The following RBFOX1 variants were observed in gnomAD, a reference collection of about 807,000 sequenced individuals.
RBFOX1 encodes the protein RNA binding fox-1 homolog 1.
Under a neutral mutation model 57.7 loss-of-function variants are expected in RBFOX1, and 8 were observed. The observed-to-expected ratio is 0.14, with a 90% confidence interval of 0.08 to 0.25. The LOEUF (loss-of-function observed/expected upper bound fraction) is 0.25, where lower values mean the gene tolerates loss of function less well. RBFOX1 is among the 10% of genes least tolerant of loss of function. The pLI, the probability that RBFOX1 is intolerant of heterozygous loss-of-function variation, is 1.00. For missense variants in RBFOX1, 611 were observed against 548.5 expected, an observed-to-expected ratio of 1.11 and a Z score of -1.14; for synonymous variants, 326 against 222.4, an observed-to-expected ratio of 1.47 and a Z score of -4.15.
At chr16:5,560,239 T>C (rs1410424755) in intron 2 of RBFOX1, among the ~76,000 whole-genome samples, 1 of 150,400 alleles carries the variant, frequency 6.6e-6, no homozygotes. Context: ...CATATGTCAC[T>C]TCCTCCAGAA....
intron 5 of RBFOX1, among the ~76,000 whole-genome samples, chr16:7,555,618 C>T (rs1277973678): frequency 6.6e-6 from 1 of 152,078 alleles, no homozygotes; most frequent in Non-Finnish European, 1.5e-5. Flanking sequence ...AGGTCTCTGA[C>T]GTCATCTCCT....
chr16:5,837,586 A>C (rs1401392663), intron 3 of RBFOX1, among the ~76,000 whole-genome samples: 1 of 148,024 alleles, frequency 6.8e-6, no homozygotes, highest in African/African-American at 2.5e-5. Flanking sequence ...TCACAGGGAA[A>C]GTCTTGATGC....
At chr16:7,069,828 A>G (rs2056952757) in intron 4 of RBFOX1, among the ~76,000 whole-genome samples, 1 of 152,082 alleles carries the variant, frequency 6.6e-6, no homozygotes, top group African/African-American at 2.4e-5. Context: ...CCATGTCTCA[A>G]TTTCCATTCC....
At chr16:6,431,809 T>C (rs796802611) in intron 2 of RBFOX1, among the ~76,000 whole-genome samples, 8 of 152,258 alleles carry the variant, frequency 5.3e-5, no homozygotes, top group African/African-American at 1.9e-4. Flanking sequence ...ATCTGTAAAA[T>C]GGGGCTAACA....
intron 3 of RBFOX1, among the ~76,000 whole-genome samples, chr16:6,998,882 A>T (rs1462609266): frequency 5.3e-5 from 8 of 151,546 alleles, no homozygotes; most frequent in Non-Finnish European, 1.0e-4. Context: ...TATTATTATT[A>T]TTTTGCGACT....
chr16:6,686,257 C>G (rs1603415040), intron 3 of RBFOX1, among the ~76,000 whole-genome samples: 1 of 152,138 alleles, frequency 6.6e-6, no homozygotes, highest in Admixed American at 6.5e-5. Flanking sequence ...AGACAGTGGT[C>G]AGGGCCATTC....
At chr16:5,428,144 G>GTGTA (rs971857310) in intron 1 of RBFOX1, among the ~76,000 whole-genome samples, 1 of 150,442 alleles carries the variant, frequency 6.6e-6, no homozygotes, top group African/African-American at 2.5e-5. Context: ...GTGTGTGTGT[G>GTGTA]TGTATGTGTG....
chr16:5,330,780 G>A (rs1027968024), intron 1 of RBFOX1, among the ~76,000 whole-genome samples: 1 of 151,244 alleles, frequency 6.6e-6, no homozygotes, highest in Non-Finnish European at 1.5e-5. Context: ...GATGTTAAAA[G>A]AGCACTGTTT....
At chr16:6,489,911 C>A (rs889123117) in intron 2 of RBFOX1, among the ~76,000 whole-genome samples, 13 of 148,606 alleles carry the variant, frequency 8.7e-5, no homozygotes, top group Middle Eastern at 3.3e-3. Flanking sequence ...ACTTAATTGT[C>A]ATGTTGGAAA....
chr16:5,302,724 T>C (rs2063834775), intron 1 of RBFOX1, among the ~76,000 whole-genome samples: 1 of 152,238 alleles, frequency 6.6e-6, no homozygotes, highest in African/African-American at 2.4e-5. Context: ...TTATTTTGTC[T>C]GATATTATTC....
At chr16:5,555,162 A>C (rs1332114848) in intron 2 of RBFOX1, among the ~76,000 whole-genome samples, 1 of 152,192 alleles carries the variant, frequency 6.6e-6, no homozygotes, top group Non-Finnish European at 1.5e-5. Context: ...ACCCTCCGCT[A>C]TGGATGTTGG....
intron 3 of RBFOX1, among the ~76,000 whole-genome samples, chr16:6,887,632 A>C (rs1465933953): frequency 1.3e-5 from 2 of 151,050 alleles, no homozygotes; most frequent in African/African-American, 4.9e-5. Flanking sequence ...CTAGTTTTAG[A>C]AGGGTTTGGT....
At chr16:6,828,343 A>G (rs533077375) in intron 3 of RBFOX1, among the ~76,000 whole-genome samples, 21 of 152,018 alleles carry the variant, frequency 1.4e-4, no homozygotes, top group African/African-American at 5.1e-4. Context: ...GGCCAACATG[A>G]TGAAACCCCA....
chr16:6,085,861 A>G (rs527698858), intron 1 of RBFOX1, among the ~76,000 whole-genome samples: 100 of 152,254 alleles, frequency 6.6e-4, no homozygotes, highest in Non-Finnish European at 1.2e-3. Flanking sequence ...TGTGCCAAAC[A>G]TGCAGGTTTG....
intron 3 of RBFOX1, among the ~76,000 whole-genome samples, chr16:6,986,685 C>T (rs574198785): frequency 6.6e-6 from 1 of 152,184 alleles, no homozygotes; most frequent in Non-Finnish European, 1.5e-5. Context: ...CTCCCCTTCT[C>T]TCTCTCCTTC....
At chr16:6,955,087 A>C (rs1297377752) in intron 3 of RBFOX1, among the ~76,000 whole-genome samples, 2 of 151,040 alleles carry the variant, frequency 1.3e-5, no homozygotes, top group African/African-American at 2.4e-5. Context: ...AAAACACACA[A>C]AAAATTAGCT....
At chr16:7,706,070 C>T (rs556042375) in intron 14 of RBFOX1, among the ~76,000 whole-genome samples, 5 of 152,156 alleles carry the variant, frequency 3.3e-5, no homozygotes, top group Non-Finnish European at 5.9e-5. Context: ...GCTTAGCCAG[C>T]TCTGAGGACA....
chr16:7,165,337 G>A (rs1484864959), intron 4 of RBFOX1, among the ~76,000 whole-genome samples: 1 of 149,582 alleles, frequency 6.7e-6, no homozygotes, highest in Non-Finnish European at 1.5e-5. Context: ...CCCACCCAGG[G>A]TGAAAAAATG....
chr16:6,383,110 G>T (rs576128955), intron 2 of RBFOX1, among the ~76,000 whole-genome samples: 1 of 152,258 alleles, frequency 6.6e-6, no homozygotes, highest in African/African-American at 2.4e-5. Context: ...AAATTCTCAT[G>T]CTTTCTCCAA....
Sources: allele counts gnomAD v4.1 joint callset (sites outside exome capture counted in the v4.1 genomes callset), GRCh38; gene constraint gnomAD v4.1.1; transcripts MANE v1.5; gene names NCBI Gene and HGNC (gene_info 2026-07-23, HGNC 2026-07-21).